CNTNAP2: variants seen among roughly 807,000 people sequenced by gnomAD.
CNTNAP2 encodes contactin associated protein 2.
CNTNAP2 carries 98 observed loss-of-function variants against 155.2 expected under a neutral mutation model. The ratio of observed to expected loss-of-function variants is 0.63; its 90% CI spans 0.54 to 0.75. The LOEUF (loss-of-function observed/expected upper bound fraction) is 0.75. Ranked by LOEUF, CNTNAP2 falls within the 30% of genes least tolerant of loss-of-function variation. The pLI is 0.00. For missense variants in CNTNAP2, 1,727 were observed against 1,688.1 expected (o/e 1.02, Z -0.40); for synonymous variants, 651 against 631.2 (o/e 1.03, Z -0.47).
At chr7:146,943,366 C>A (rs1797094746) in intron 3 of CNTNAP2, among the ~76,000 whole-genome samples, 2 of 152,048 alleles carry the variant, frequency 1.3e-5, no homozygotes, top group Non-Finnish European at 1.5e-5. Context: ...GTGGCATGCA[C>A]CTGGAATCCT....
At chr7:147,723,890 T>G (rs1796603814) in intron 13 of CNTNAP2, among the ~76,000 whole-genome samples, 1 of 152,002 alleles carries the variant, frequency 6.6e-6, no homozygotes, top group African/African-American at 2.4e-5. Context: ...GGTAAACACT[T>G]TTAGAATCCT....
At chr7:147,008,675 T>C (rs973345468) in intron 3 of CNTNAP2, among the ~76,000 whole-genome samples, 1 of 152,104 alleles carries the variant, frequency 6.6e-6, no homozygotes, top group Admixed American at 6.6e-5. Flanking sequence ...ACAAAAATAA[T>C]TTTATAGATA....
At chr7:146,400,930 A>T (rs1418404710) in intron 1 of CNTNAP2, among the ~76,000 whole-genome samples, 1 of 152,138 alleles carries the variant, frequency 6.6e-6, no homozygotes, top group Non-Finnish European at 1.5e-5. Flanking sequence ...AAAAACTGAG[A>T]ATCTTTTTTG....
intron 1 of CNTNAP2, among the ~76,000 whole-genome samples, chr7:146,246,987 G>A (rs900386193): frequency 9.9e-5 from 15 of 152,126 alleles, no homozygotes; most frequent in Non-Finnish European, 2.2e-4. Context: ...TATTGTACAC[G>A]TTGAAGGCGA....
In CNTNAP2 at chr7:147,928,322, A is replaced by G. The variant is rs571047820; in HGVS notation, c.2255+24601A>G. On this transcript the variant is annotated intron_variant, in intron 14 of 23. Coordinates refer to ENST00000361727, the MANE Select transcript of CNTNAP2 (RefSeq NM_014141.6). ...AAACCTCAATTTCTCAAAGTGAGGGATGGTGAACAGCAGGGCGAGGATGAG... is the reference window on the plus strand; with the variant it reads ...AAACCTCAATTTCTCAAAGTGAGGGGTGGTGAACAGCAGGGCGAGGATGAG... Among the ~76,000 whole-genome samples the G allele has an allele frequency of 1.1e-3, 161 of 152,334 alleles. 1 individual carries two copies. Among genetic ancestry groups the G allele is most frequent in the African/African-American group, 3.6e-3 (151 of 41,578 alleles).
chr7:147,505,549 A>T (rs1798891723), intron 11 of CNTNAP2, among the ~76,000 whole-genome samples: 1 of 152,236 alleles, frequency 6.6e-6, no homozygotes, highest in Non-Finnish European at 1.5e-5. Flanking sequence ...ATCAGCACTT[A>T]GTTGTAAATC....
intron 2 of CNTNAP2, among the ~76,000 whole-genome samples, chr7:146,815,677 ATTTTAC>A (rs1803152598): frequency 6.6e-6 from 1 of 152,154 alleles, no homozygotes; most frequent in Non-Finnish European, 1.5e-5. Context: ...TTATTAAATA[ATTTTAC>A]TTTATGATAT....
In CNTNAP2 at chr7:146,843,225, G is replaced by T. The variant is rs1375484904; in HGVS notation, c.402+3321G>T. Among the ~76,000 whole-genome samples the T allele has an allele frequency of 5.0e-4, 70 of 140,360 alleles. 1 individual carries two copies. The highest frequency in any genetic ancestry group is 2.0e-3 in the African/African-American group (70 of 34,618). 92.1% of individuals were successfully genotyped at this position (140,360 alleles called of 152,430 possible). A position where few individuals can be genotyped will look rare whatever the true frequency, so the allele number is the denominator to read the frequency against. ...GACGGGGTTTCACCTTGTTAGCCAGGATGGTCTCGATCTCCTGACCTCATG... is the reference window on the plus strand; with the variant it reads ...GACGGGGTTTCACCTTGTTAGCCAGTATGGTCTCGATCTCCTGACCTCATG... On this transcript the variant is annotated intron_variant, in intron 3 of 23. Coordinates refer to ENST00000361727, the MANE Select transcript of CNTNAP2 (RefSeq NM_014141.6).
intron 4 of CNTNAP2, among the ~76,000 whole-genome samples, chr7:147,086,822 G>A (rs1425936442): frequency 6.6e-6 from 1 of 152,116 alleles, no homozygotes; most frequent in Non-Finnish European, 1.5e-5. Context: ...CTGGGAAACA[G>A]CAATTTTAAA....
intron 13 of CNTNAP2, among the ~76,000 whole-genome samples, chr7:147,654,601 A>G (rs751437816): frequency 1.3e-5 from 2 of 152,146 alleles, no homozygotes; most frequent in African/African-American, 2.4e-5. Flanking sequence ...GCTCCACTGA[A>G]GTTTTGAACC....
intron 8 of CNTNAP2, among the ~76,000 whole-genome samples, chr7:147,169,324 T>C (rs1350296700): frequency 6.6e-6 from 1 of 152,228 alleles, no homozygotes; most frequent in East Asian, 1.9e-4. Flanking sequence ...AAGCACAGGT[T>C]TGTTAAATGG....
At chr7:146,303,115 C>T (rs1035371319) in intron 1 of CNTNAP2, among the ~76,000 whole-genome samples, 4 of 150,524 alleles carry the variant, frequency 2.7e-5, no homozygotes, top group Admixed American at 1.3e-4. Context: ...TGTGCGCATG[C>T]ATACATGAAC....
intron 22 of CNTNAP2, among the ~76,000 whole-genome samples, chr7:148,398,933 C>G (rs1344731855): frequency 1.3e-5 from 2 of 152,168 alleles, no homozygotes; most frequent in Non-Finnish European, 2.9e-5. Flanking sequence ...GGTTGCTTTC[C>G]TCTTTTAACT....
intron 2 of CNTNAP2, among the ~76,000 whole-genome samples, chr7:146,800,619 G>A (rs1256082038): frequency 6.6e-6 from 1 of 152,176 alleles, no homozygotes; most frequent in Non-Finnish European, 1.5e-5. Context: ...TTAACTAGAA[G>A]AGGATTCCTT....
chr7:146,827,527 A>G (rs1180012178), intron 2 of CNTNAP2, among the ~76,000 whole-genome samples: 1 of 151,650 alleles, frequency 6.6e-6, no homozygotes, highest in Non-Finnish European at 1.5e-5. Context: ...ATCAGAGAGA[A>G]TAACATCTTG....
intron 2 of CNTNAP2, among the ~76,000 whole-genome samples, chr7:146,807,474 T>C (rs1231580037): frequency 2.0e-5 from 3 of 152,160 alleles, no homozygotes; most frequent in African/African-American, 4.8e-5. Flanking sequence ...TGAGAGCACC[T>C]GGAAATGAAA....
intron 15 of CNTNAP2, among the ~76,000 whole-genome samples, chr7:147,978,963 T>C (rs1055514456): frequency 6.6e-6 from 1 of 152,186 alleles, no homozygotes; most frequent in African/African-American, 2.4e-5. Flanking sequence ...TTTGGATTCC[T>C]CCTAGCAAAG....
At chr7:148,141,747 G>A (rs1220992569) in intron 16 of CNTNAP2, among the ~76,000 whole-genome samples, 1 of 152,202 alleles carries the variant, frequency 6.6e-6, no homozygotes, top group African/African-American at 2.4e-5. Context: ...AGCTGAGAGC[G>A]AAGTTTGTTA....
intron 11 of CNTNAP2, among the ~76,000 whole-genome samples, chr7:147,493,208 G>T (rs553383578): frequency 3.9e-5 from 6 of 152,130 alleles, no homozygotes; most frequent in Non-Finnish European, 8.8e-5. Flanking sequence ...TTCAATAAAT[G>T]CTCTTTGAAA....
Sources: allele counts gnomAD v4.1 joint callset (sites outside exome capture counted in the v4.1 genomes callset), GRCh38; gene constraint gnomAD v4.1.1; transcripts MANE v1.5; gene names NCBI Gene and HGNC (gene_info 2026-07-23, HGNC 2026-07-21).